The following PAK5 variants were observed in gnomAD, a reference collection of about 807,000 sequenced individuals.
PAK5 encodes p21 (RAC1) activated kinase 5.
A neutral mutation model predicts 65.9 loss-of-function variants in PAK5; 16 were observed. The observed-to-expected ratio is 0.24, with a 90% confidence interval of 0.16 to 0.37. PAK5 has a LOEUF of 0.37. Ranked by LOEUF, PAK5 falls within the 10% of genes least tolerant of loss-of-function variation. The probability of loss-of-function intolerance (pLI) is 1.00; values close to 1 mark genes in which losing one functional copy is unlikely to be tolerated. For synonymous variants in PAK5, 371 were observed against 354.9 expected (o/e 1.05, Z -0.51); for missense variants, 785 against 903.9 (o/e 0.87, Z 1.69).
chr20:9,759,668 G>A (rs1478677820), intron 1 of PAK5, among the ~76,000 whole-genome samples: 3 of 152,050 alleles, frequency 2.0e-5, no homozygotes, highest in African/African-American at 4.8e-5. Flanking sequence ...TGTGGTACAA[G>A]GTCGAAAAAG....
At chr20:9,834,566 G>C (rs1242768952) in intron 1 of PAK5, among the ~76,000 whole-genome samples, 2 of 151,952 alleles carry the variant, frequency 1.3e-5, no homozygotes, top group African/African-American at 4.8e-5. Flanking sequence ...TTCTATATAT[G>C]TGCAGATACC....
At chr20:9,763,478 C>A (rs1474262870) in intron 1 of PAK5, among the ~76,000 whole-genome samples, 2 of 152,050 alleles carry the variant, frequency 1.3e-5, no homozygotes, top group Admixed American at 6.6e-5. Flanking sequence ...CCTAACTTAT[C>A]CTAACTGATA....
intron 1 of PAK5, among the ~76,000 whole-genome samples, chr20:9,781,711 C>T (rs942002181): frequency 1.9e-5 from 1 of 51,376 alleles, no homozygotes; most frequent in Non-Finnish European, 3.2e-5. Flanking sequence ...TGGCACTATC[C>T]TTGACCCCTT....
intron 1 of PAK5, among the ~76,000 whole-genome samples, chr20:9,803,505 T>G (rs1016713849): frequency 6.6e-6 from 1 of 152,192 alleles, no homozygotes; most frequent in South Asian, 2.1e-4. Flanking sequence ...TGGAATGACT[T>G]GCTGAAAGCA....
chr20:9,642,008 A>G (rs1407187230), intron 3 of PAK5, among the ~76,000 whole-genome samples: 8 of 152,150 alleles, frequency 5.3e-5, no homozygotes, highest in African/African-American at 9.6e-5. Flanking sequence ...AGTGGGCTCC[A>G]GCCTTGGCCA....
intron 2 of PAK5, among the ~76,000 whole-genome samples, chr20:9,657,741 T>G (rs969932013): frequency 2.0e-5 from 3 of 152,278 alleles, no homozygotes; most frequent in South Asian, 4.1e-4. Context: ...TCAGCCTTTA[T>G]GGATAAAAAG....
At chr20:9,817,708 T>A (rs1015169457) in intron 1 of PAK5, among the ~76,000 whole-genome samples, 1 of 152,190 alleles carries the variant, frequency 6.6e-6, no homozygotes, top group African/African-American at 2.4e-5. Flanking sequence ...AACTAATAAA[T>A]TTGACCAATT....
intron 2 of PAK5, among the ~76,000 whole-genome samples, chr20:9,656,504 T>C (rs1569023571): frequency 6.6e-6 from 1 of 152,174 alleles, no homozygotes; most frequent in Non-Finnish European, 1.5e-5. Context: ...CCTACAAAAA[T>C]ATTAAGTAAC....
At chr20:9,603,614 C>T (rs897359012) in intron 3 of PAK5, among the ~76,000 whole-genome samples, 1 of 152,182 alleles carries the variant, frequency 6.6e-6, no homozygotes, top group African/African-American at 2.4e-5. Flanking sequence ...AAACTGTGTA[C>T]ATCCTCACCC....
chr20:9,538,759 C>A lies in PAK5; in HGVS notation c.*703G>T. 4.3e-6 allele frequency: 1 copy of A among 233,412 alleles called. No homozygotes were observed. The highest frequency in any genetic ancestry group is 5.6e-5 in the Admixed American group (1 of 17,790). 14.5% of individuals were successfully genotyped at this position (233,412 alleles called of 1,614,324 possible). On this transcript the variant is annotated 3_prime_UTR_variant, in exon 10 of 10. Transcript: ENST00000353224. The stretch of plus-strand genomic sequence containing the variant: ...TGGTTGGATTAATGAAACGTGCACA[C>A]CATCACCATCACTCTTAATTCTTCT...
chr20:9,604,445 C>G (rs1482338035), intron 3 of PAK5, among the ~76,000 whole-genome samples: 1 of 152,212 alleles, frequency 6.6e-6, no homozygotes, highest in African/African-American at 2.4e-5. Context: ...ATGGGGTCCC[C>G]TTTGCTATTG....
chr20:9,800,040 T>C (rs2123733891), intron 1 of PAK5, among the ~76,000 whole-genome samples: 1 of 151,916 alleles, frequency 6.6e-6, no homozygotes, highest in East Asian at 1.9e-4. Context: ...CATAATTTTC[T>C]AAAAGATTCA....
intron 7 of PAK5, among the ~76,000 whole-genome samples, chr20:9,552,686 C>T (rs887745494): frequency 1.3e-5 from 2 of 150,454 alleles, no homozygotes; most frequent in Non-Finnish European, 2.9e-5. Context: ...AATTCTCGGT[C>T]ATTTTTCCTA....
At chr20:9,634,316 C>T (rs904743771) in intron 3 of PAK5, among the ~76,000 whole-genome samples, 14 of 152,286 alleles carry the variant, frequency 9.2e-5, no homozygotes, top group African/African-American at 2.9e-4. Flanking sequence ...AACATTGGCC[C>T]TCCTCCAAAT....
chr20:9,678,310 G>A (rs2047602856), intron 2 of PAK5, among the ~76,000 whole-genome samples: 1 of 152,214 alleles, frequency 6.6e-6, no homozygotes, highest in South Asian at 2.1e-4. Flanking sequence ...GCTCATGCCT[G>A]TAATCCCAGC....
intron 1 of PAK5, among the ~76,000 whole-genome samples, chr20:9,761,604 A>G (rs1197130651): frequency 6.6e-6 from 1 of 152,190 alleles, no homozygotes; most frequent in Non-Finnish European, 1.5e-5. Flanking sequence ...TTGAGCAAGA[A>G]CAAGAAGGCT....
chr20:9,768,915 T>A (rs2048802894), intron 1 of PAK5, among the ~76,000 whole-genome samples: 1 of 151,482 alleles, frequency 6.6e-6, no homozygotes, highest in Admixed American at 6.6e-5. Context: ...ACTATTATGT[T>A]CCCATAGTAA....
At chr20:9,601,895 G>T (rs1485949248) in intron 3 of PAK5, among the ~76,000 whole-genome samples, 1 of 152,140 alleles carries the variant, frequency 6.6e-6, no homozygotes, top group Non-Finnish European at 1.5e-5. Flanking sequence ...TCAAAGCAGA[G>T]TAACCCTACC....
chr20:9,799,199 T>C (rs1176532731), intron 1 of PAK5, among the ~76,000 whole-genome samples: 3 of 152,186 alleles, frequency 2.0e-5, no homozygotes, highest in Admixed American at 2.0e-4. Flanking sequence ...TAATACATAT[T>C]GCACAATGGC....
Sources: gnomAD v4.1 joint callset for allele counts (sites outside exome capture counted in the v4.1 genomes callset) on GRCh38, gnomAD v4.1.1 for gene constraint, MANE v1.5 for transcripts, NCBI Gene and HGNC (gene_info 2026-07-23, HGNC 2026-07-21) for gene names.